The following GSDMC variants were observed in gnomAD, a reference collection of about 807,000 sequenced individuals.
The protein encoded by GSDMC is gasdermin-C.
Under a neutral mutation model 58.0 loss-of-function variants are expected in GSDMC, and 59 were observed. The observed-to-expected ratio is 1.02, with a 90% CI of 0.82 to 1.26. The LOEUF is 1.26. Ranked by LOEUF, GSDMC falls within the 50% of genes most tolerant of loss-of-function variation. The pLI is 0.00. For missense variants in GSDMC, 659 were observed against 598.5 expected, an observed-to-expected ratio of 1.10 and a Z score of -1.06; for synonymous variants, 241 against 220.2, an observed-to-expected ratio of 1.09 and a Z score of -0.83.
chr8:129,739,556 C>T, the GSDMC span, among the ~76,000 whole-genome samples: 484 of 152,230 alleles, frequency 3.2e-3, 1 homozygote, highest in Non-Finnish European at 5.1e-3. Flanking sequence ...ACACGTATGA[C>T]GGTGGTCCCA....
chr8:129,721,845 T>A, the GSDMC span, among the ~76,000 whole-genome samples: 1 of 152,174 alleles, frequency 6.6e-6, no homozygotes, highest in Non-Finnish European at 1.5e-5. Flanking sequence ...CTATGAATGA[T>A]CGTTGTGGTT....
intron 1 of GSDMC, among the ~76,000 whole-genome samples, chr8:129,783,906 G>GA (rs2034485288): frequency 1.3e-5 from 2 of 151,730 alleles, no homozygotes; most frequent in Non-Finnish European, 2.9e-5. Context: ...ACAGACCAAA[G>GA]GAAAAAAATC....
chr8:129,711,264 CT>C, the GSDMC span, among the ~76,000 whole-genome samples: 4 of 152,290 alleles, frequency 2.6e-5, no homozygotes, highest in African/African-American at 9.6e-5. Context: ...AACAAAATTA[CT>C]TCACATCCAC....
the GSDMC span, among the ~76,000 whole-genome samples, chr8:129,722,447 C>T: frequency 6.6e-6 from 1 of 152,172 alleles, no homozygotes; most frequent in Non-Finnish European, 1.5e-5. Flanking sequence ...CATAGAAAAG[C>T]ATCCAGAAAG....
intron 7 of GSDMC, 126 bp downstream of exon 7, chr8:129,752,572 G>A (rs1313366964): frequency 1.4e-6 from 2 of 1,387,900 alleles, no homozygotes; most frequent in Non-Finnish European, 1.9e-6. Flanking sequence ...AGAGGAGGAT[G>A]AGCAAGATGG....
chr8:129,777,317 G>A (rs1462148683), intron 2 of GSDMC, 51 bp downstream of exon 2: 1 of 1,124,854 alleles, frequency 8.9e-7, no homozygotes, highest in Admixed American at 1.8e-5. Context: ...ATCTTTTTCT[G>A]ACCACACATG....
the GSDMC span, among the ~76,000 whole-genome samples, chr8:129,725,287 G>C: frequency 6.6e-6 from 1 of 152,324 alleles, no homozygotes; most frequent in African/African-American, 2.4e-5. Context: ...TTAAAGGCAA[G>C]ATTTATCCTC....
chr8:129,772,488 A>T (rs2034094629), intron 3 of GSDMC, among the ~76,000 whole-genome samples: 1 of 152,168 alleles, frequency 6.6e-6, no homozygotes, highest in Non-Finnish European at 1.5e-5. Flanking sequence ...AGAGCCTATT[A>T]TCTGTAATTA....
chr8:129,729,960 G>T, the GSDMC span: 2 of 1,510,968 alleles, frequency 1.3e-6, no homozygotes, highest in Non-Finnish European at 1.8e-6. Context: ...AGCTGCGGGG[G>T]CAGCATGTAA....
the GSDMC span, among the ~76,000 whole-genome samples, chr8:129,739,285 G>A: frequency 6.6e-6 from 1 of 152,144 alleles, no homozygotes; most frequent in Non-Finnish European, 1.5e-5. Flanking sequence ...ATTATGAAGC[G>A]ATGGGGACAG....
chr8:129,735,452 C>T, the GSDMC span, among the ~76,000 whole-genome samples: 3,250 of 149,278 alleles, frequency 0.022, 123 homozygotes, highest in African/African-American at 0.08. Flanking sequence ...TCACAACAAA[C>T]TGTCTTTCAG....
In GSDMC at chr8:129,752,759, T is replaced by C. The variant is rs1456209791; in HGVS notation, c.783A>G (p.Ser261=). The C allele has an allele frequency of 6.2e-7, 1 of 1,614,202 alleles. No homozygotes were observed. Among genetic ancestry groups the C allele is most frequent in the Non-Finnish European group, 8.5e-7 (1 of 1,180,036 alleles). ...CAARSEGLLP[S]FHTISPTLFN... ...AGAGGGTTGGAGAGATGGTATGAAA[T>C]GATGGTAGCAACCCCTCACTCCTCG... is the stretch of plus-strand genomic sequence containing the variant. Residue 261 remains serine, a synonymous_variant, in exon 7 of 14, where the codon TCA becomes TCG. Transcript: ENST00000276708.
the GSDMC span, among the ~76,000 whole-genome samples, chr8:129,724,888 A>C: frequency 6.6e-6 from 1 of 152,192 alleles, no homozygotes; most frequent in Non-Finnish European, 1.5e-5. Context: ...TGAGGAGCCC[A>C]GCTTCTCATG....
the GSDMC span, among the ~76,000 whole-genome samples, chr8:129,719,043 G>A: frequency 2.0e-5 from 3 of 152,162 alleles, no homozygotes; most frequent in African/African-American, 7.2e-5. Flanking sequence ...GGAGGTGGGG[G>A]GCTAGGGGAG....
At chr8:129,737,870 C>G in the GSDMC span, among the ~76,000 whole-genome samples, 1 of 152,150 alleles carries the variant, frequency 6.6e-6, no homozygotes, top group Non-Finnish European at 1.5e-5. Flanking sequence ...TCAGAGTGAA[C>G]AGGCAACCTA....
chr8:129,767,031 T>C (rs2033885854), intron 3 of GSDMC, among the ~76,000 whole-genome samples: 1 of 151,554 alleles, frequency 6.6e-6, no homozygotes, highest in South Asian at 2.1e-4. Flanking sequence ...AGCCAGCAAC[T>C]TGCCTGCCTG....
Position 129,752,741 on chromosome 8 carries a change from T to A in GSDMC, c.801A>T (p.Pro267=). 6.2e-7 allele frequency: 1 copy of A among 1,614,188 alleles called. No homozygotes were observed. Among genetic ancestry groups the A allele is most frequent in the Non-Finnish European group, 8.5e-7 (1 of 1,180,034 alleles). The change falls in exon 7 of 14, where the codon CCA becomes CCT. Residue 267 remains proline (P), a synonymous_variant. Coordinates refer to ENST00000276708, the MANE Select transcript of GSDMC (RefSeq NM_031415.3). The part of the protein sequence containing the change: ...GLLPSFHTIS[P]TLFNASSNDM... The stretch of plus-strand genomic sequence containing the variant: ...CATTGGATGAGGCATTGAAGAGGGT[T>A]GGAGAGATGGTATGAAATGATGGTA...
intron 3 of GSDMC, among the ~76,000 whole-genome samples, chr8:129,772,950 G>A (rs1168856172): frequency 6.6e-6 from 1 of 152,152 alleles, no homozygotes; most frequent in Non-Finnish European, 1.5e-5. Flanking sequence ...TGGAATGAAA[G>A]GATAGTTCAA....
At chr8:129,718,239 C>T in the GSDMC span, among the ~76,000 whole-genome samples, 1 of 152,096 alleles carries the variant, frequency 6.6e-6, no homozygotes, top group Admixed American at 6.5e-5. Context: ...AAACAGGCAA[C>T]CTACCAAATG....
Sources: allele counts gnomAD v4.1 joint callset (sites outside exome capture counted in the v4.1 genomes callset), GRCh38; gene constraint gnomAD v4.1.1; transcripts MANE v1.5; gene names NCBI Gene and HGNC (gene_info 2026-07-23, HGNC 2026-07-21).